RGS6: variants seen among roughly 807,000 people sequenced by gnomAD.
RGS6 encodes regulator of G-protein signaling 6.
RGS6 carries 30 observed loss-of-function variants against 78.5 expected under a neutral mutation model. The ratio of observed to expected loss-of-function variants is 0.38; its 90% CI spans 0.29 to 0.52. RGS6 has a LOEUF of 0.52. Among genes scored for constraint, RGS6 ranks in the 20% least tolerant of loss-of-function variants. The pLI is 0.85. For missense variants in RGS6, 495 were observed against 609.7 expected (o/e 0.81, Z 1.98); for synonymous variants, 206 against 206.0 (o/e 1.00, Z 0.00).
At chr14:71,931,562 C>G (rs79676730), upstream of RGS6, among the ~76,000 whole-genome samples, 559 of 152,266 alleles carry the variant, frequency 3.7e-3, 3 homozygotes, top group Non-Finnish European at 4.2e-3. Flanking sequence ...TATTTTATTT[C>G]AAGTATTTTT....
chr14:72,053,276 C>T (rs1221228991), intron 2 of RGS6, among the ~76,000 whole-genome samples: 3 of 150,878 alleles, frequency 2.0e-5, no homozygotes, highest in Non-Finnish European at 4.4e-5. Flanking sequence ...CCCACCACCA[C>T]GCCTGGCTAA....
intron 1 of RGS6, among the ~76,000 whole-genome samples, chr14:71,946,296 A>G (rs2091496272): frequency 6.6e-6 from 1 of 152,036 alleles, no homozygotes; most frequent in Non-Finnish European, 1.5e-5. Flanking sequence ...GATTGCTTTG[A>G]GATGGTTACT....
intron 13 of RGS6, among the ~76,000 whole-genome samples, chr14:72,506,534 A>C (rs972141151): frequency 1.3e-5 from 2 of 152,246 alleles, no homozygotes; most frequent in African/African-American, 2.4e-5. Context: ...GGGAATACTC[A>C]AGTGATACAG....
intron 2 of RGS6, among the ~76,000 whole-genome samples, chr14:72,080,023 C>G (rs1224298960): frequency 6.6e-6 from 1 of 152,104 alleles, no homozygotes; most frequent in Non-Finnish European, 1.5e-5. Flanking sequence ...CTTCAGCACA[C>G]TGATTTCAAT....
At position 72,563,123 on chromosome 14, in the gene RGS6, C is replaced by T. The variant is rs1026432341; in HGVS notation, c.*656C>T. 3.8e-5 allele frequency: 11 copies of T among 291,680 alleles called. No individual in the cohort carries two copies. The highest frequency in any genetic ancestry group is 4.7e-5 in the Non-Finnish European group (7 of 149,646). 18.1% of individuals were successfully genotyped at this position (291,680 alleles called of 1,614,324 possible). On this transcript the variant is annotated 3_prime_UTR_variant, in exon 18 of 18. Coordinates refer to ENST00000553525, the MANE Select transcript of RGS6 (RefSeq NM_001204424.2). The stretch of plus-strand genomic sequence containing the variant: ...CTTTGAGATCAGCGTTCGGAGAGGT[C>T]CCCGCCAGCCCGGTGGCTGCCCTCA...
intron 2 of RGS6, among the ~76,000 whole-genome samples, chr14:72,138,372 C>A (rs180781477): frequency 1.3e-5 from 2 of 149,380 alleles, no homozygotes; most frequent in Admixed American, 1.3e-4. Flanking sequence ...ATGTCTTCAT[C>A]GTTCTTCCTC....
chr14:72,390,344 C>T (rs1160672694), intron 3 of RGS6, among the ~76,000 whole-genome samples: 1 of 151,906 alleles, frequency 6.6e-6, no homozygotes, highest in African/African-American at 2.4e-5. Flanking sequence ...GTGATCTGCC[C>T]ACCTCGGCCT....
chr14:72,523,436 A>T (rs1212068677), intron 15 of RGS6, among the ~76,000 whole-genome samples: 1 of 151,564 alleles, frequency 6.6e-6, no homozygotes, highest in Non-Finnish European at 1.5e-5. Context: ...GTTCTCATAA[A>T]CCCCCTGCAG....
At chr14:72,481,062 C>A (rs942090996) in intron 12 of RGS6, among the ~76,000 whole-genome samples, 1 of 151,940 alleles carries the variant, frequency 6.6e-6, no homozygotes, top group Admixed American at 6.6e-5. Flanking sequence ...GGTCTGAAAC[C>A]GACCATCGAG....
At chr14:71,890,001 T>C in the RGS6 span, among the ~76,000 whole-genome samples, 2 of 152,148 alleles carry the variant, frequency 1.3e-5, no homozygotes, top group Non-Finnish European at 2.9e-5. Flanking sequence ...CCTAAGACGG[T>C]CTGCTCCTAC....
At chr14:72,034,248 G>T (rs76232482) in intron 2 of RGS6, among the ~76,000 whole-genome samples, 1 of 152,072 alleles carries the variant, frequency 6.6e-6, no homozygotes, top group African/African-American at 2.4e-5. Flanking sequence ...TCTTGTTTCT[G>T]AACTTAAAGG....
chr14:71,907,689 G>A, the RGS6 span, among the ~76,000 whole-genome samples: 2 of 152,130 alleles, frequency 1.3e-5, no homozygotes, highest in Non-Finnish European at 2.9e-5. Context: ...GGTGGGAAAG[G>A]CAGATTCAAG....
chr14:72,569,986 G>A (rs1040580740), downstream of RGS6, among the ~76,000 whole-genome samples: 3 of 152,268 alleles, frequency 2.0e-5, no homozygotes, highest in Non-Finnish European at 4.4e-5. Flanking sequence ...CTGTGAGCCC[G>A]TTTGAGAAAG....
chr14:72,065,005 TAGTC>T (rs1331682299), intron 2 of RGS6, among the ~76,000 whole-genome samples: 1 of 152,236 alleles, frequency 6.6e-6, no homozygotes, highest in Non-Finnish European at 1.5e-5. Flanking sequence ...ACTATTATAA[TAGTC>T]AGATTCATTT....
chr14:72,465,622 GTGGATGGA>G (rs551039934), intron 6 of RGS6, 128 bp from the exon 7 acceptor site: 52 of 355,630 alleles, frequency 1.5e-4, no homozygotes, highest in Middle Eastern at 1.3e-3. Flanking sequence ...GGGTGGATGG[GTGGATGGA>G]TGGATGGATG....
intron 2 of RGS6, among the ~76,000 whole-genome samples, chr14:72,138,662 TC>T (rs978410938): frequency 1.3e-5 from 2 of 151,974 alleles, no homozygotes; most frequent in Non-Finnish European, 2.9e-5. Context: ...TTACAGTGAC[TC>T]CCCATCACTC....
At chr14:71,921,983 G>A in the RGS6 span, among the ~76,000 whole-genome samples, 3 of 152,240 alleles carry the variant, frequency 2.0e-5, no homozygotes, top group East Asian at 3.9e-4. Flanking sequence ...TCACTGCCAC[G>A]GGAATTTCTC....
At chr14:72,433,581 G>A (rs903641836) in intron 3 of RGS6, among the ~76,000 whole-genome samples, 1 of 152,072 alleles carries the variant, frequency 6.6e-6, no homozygotes. Flanking sequence ...AGAGAGCATC[G>A]TAAGTAGGAT....
the RGS6 span, among the ~76,000 whole-genome samples, chr14:71,869,781 G>T: frequency 6.6e-6 from 1 of 152,136 alleles, no homozygotes; most frequent in Admixed American, 6.5e-5. Context: ...TTGCCGTTGT[G>T]ACATTATTGA....
Sources: allele counts gnomAD v4.1 joint callset (sites outside exome capture counted in the v4.1 genomes callset), GRCh38; gene constraint gnomAD v4.1.1; transcripts MANE v1.5; gene names NCBI Gene and HGNC (gene_info 2026-07-23, HGNC 2026-07-21).